The following FAM151B variants were observed in gnomAD, a reference collection of about 807,000 sequenced individuals.
FAM151B encodes family with sequence similarity 151 member B, also known as protein FAM151B.
Under a neutral mutation model 31.2 loss-of-function variants are expected in FAM151B, and 24 were observed. The ratio of observed to expected loss-of-function variants is 0.77; its 90% CI spans 0.56 to 1.08. The LOEUF is 1.08. FAM151B is among the 50% of genes least tolerant of loss of function. The pLI, the probability that FAM151B is intolerant of heterozygous loss-of-function variation, is 0.00. For synonymous variants in FAM151B, 105 were observed against 111.4 expected, an observed-to-expected ratio of 0.94 and a Z score of 0.36; for missense variants, 293 against 328.6, an observed-to-expected ratio of 0.89 and a Z score of 0.84.
At chr5:80,491,249 T>A (rs547093783) in intron 1 of FAM151B, among the ~76,000 whole-genome samples, 3 of 152,022 alleles carry the variant, frequency 2.0e-5, no homozygotes, top group African/African-American at 7.2e-5. Flanking sequence ...AGGGTCTCGC[T>A]CTGTCACCCA....
chr5:80,536,181 G>GT (rs1384574106), intron 5 of FAM151B, among the ~76,000 whole-genome samples: 4 of 151,266 alleles, frequency 2.6e-5, no homozygotes, highest in Admixed American at 6.6e-5. Flanking sequence ...GTTTTGTTTT[G>GT]TTTTTTTGAG....
intron 5 of FAM151B, among the ~76,000 whole-genome samples, chr5:80,541,181 A>T (rs540983928): frequency 1.7e-4 from 26 of 152,358 alleles, no homozygotes; most frequent in African/African-American, 5.5e-4. Flanking sequence ...ATCTCTTGGC[A>T]TTCTTGTATC....
intron 5 of FAM151B, among the ~76,000 whole-genome samples, chr5:80,524,098 A>T (rs1744844233): frequency 6.6e-6 from 1 of 152,078 alleles, no homozygotes; most frequent in South Asian, 2.1e-4. Flanking sequence ...TAAAATTTTC[A>T]GTTCTCATGG....
chr5:80,519,559 C>G (rs1164467401), intron 3 of FAM151B, 134 bp from the exon 4 acceptor site: 2 of 730,794 alleles, frequency 2.7e-6, no homozygotes, highest in Non-Finnish European at 4.4e-6. Context: ...GCTATGCGAT[C>G]TTTGATTTTA....
Position 80,519,845 on chromosome 5 carries a change from T to C in FAM151B, c.470T>C (p.Phe157Ser). The change falls in exon 4 of 6, where the codon TTC (phenylalanine) becomes TCC (serine). Residue 157 changes from phenylalanine to serine, a missense_variant. Coordinates refer to ENST00000282226, the MANE Select transcript of FAM151B (RefSeq NM_205548.3). ...CCATTTTTAGACACCGTGATATCCT[T>C]CTTTCCAGACGTGACGTTTTCCCTG... is the stretch of plus-strand genomic sequence containing the variant. ...AKPFLDTVIS[F>S]FPDVTFSLGW... 1 of 1,614,154 alleles carries C rather than the reference T, an allele frequency of 6.2e-7. No individual in the cohort carries two copies. Among genetic ancestry groups the C allele is most frequent in the East Asian group, 2.2e-5 (1 of 44,870 alleles).
At chr5:80,531,244 G>C (rs529477648) in intron 5 of FAM151B, among the ~76,000 whole-genome samples, 29 of 152,102 alleles carry the variant, frequency 1.9e-4, no homozygotes, top group Non-Finnish European at 3.1e-4. Context: ...ATTCAAAATG[G>C]ATTAAAGACT....
intron 3 of FAM151B, among the ~76,000 whole-genome samples, chr5:80,518,075 GAAA>G (rs796173147): frequency 4.1e-5 from 3 of 72,818 alleles, no homozygotes; most frequent in East Asian, 3.0e-4. Context: ...CCATCTCAAA[GAAA>G]AAAAAAAAAA....
At chr5:80,535,138 A>T (rs1745433194) in intron 5 of FAM151B, among the ~76,000 whole-genome samples, 1 of 152,196 alleles carries the variant, frequency 6.6e-6, no homozygotes, top group South Asian at 2.1e-4. Context: ...ATGTTTGTGG[A>T]TTGGAAGAAT....
intron 5 of FAM151B, among the ~76,000 whole-genome samples, chr5:80,538,479 TTTCTTTCC>T (rs1318391157): frequency 1.1e-4 from 10 of 92,532 alleles, no homozygotes; most frequent in Admixed American, 5.0e-4. Flanking sequence ...TCTTTCTTTC[TTTCTTTCC>T]TTCCTTCCTT....
At chr5:80,502,117 C>T (rs908898459) in intron 2 of FAM151B, among the ~76,000 whole-genome samples, 200 bp downstream of exon 2, 3 of 151,762 alleles carry the variant, frequency 2.0e-5, no homozygotes, top group African/African-American at 7.3e-5. Flanking sequence ...CTCTCTGTTG[C>T]CCAGGCTGGA....
At chr5:80,538,289 T>A (rs1477198307) in intron 5 of FAM151B, among the ~76,000 whole-genome samples, 1 of 151,888 alleles carries the variant, frequency 6.6e-6, no homozygotes, top group Non-Finnish European at 1.5e-5. Context: ...GGATGATCTC[T>A]ATCTCTTGAC....
intron 5 of FAM151B, among the ~76,000 whole-genome samples, chr5:80,529,651 A>G (rs991011125): frequency 4.6e-5 from 7 of 152,196 alleles, no homozygotes; most frequent in African/African-American, 1.7e-4. Flanking sequence ...AAATGGATAA[A>G]TTCCTGGACA....
Position 80,529,439 on chromosome 5 carries a change from G to A in FAM151B, c.671+7301G>A, listed in dbSNP as rs200983594. ...ACAAAAAACCCTTCAAAAAAGCAAT[G>A]AATCCAGGAGCTGGTTTTTTGAAAA... On this transcript the variant is annotated intron_variant, in intron 5 of 5. Coordinates refer to ENST00000282226, the MANE Select transcript of FAM151B (RefSeq NM_205548.3). Among the ~76,000 whole-genome samples, 33 of 152,264 alleles carry A rather than the reference G, an allele frequency of 2.2e-4. 1 individual carries two copies. In the East Asian group the frequency reaches 6.0e-3, roughly 28 times the overall value.
rs1745917362 is a variant in FAM151B, at chr5:80,541,881, C to T, written c.*49C>T. 6.5e-7 allele frequency: 1 copy of T among 1,544,176 alleles called. No individual in the cohort carries two copies. Among genetic ancestry groups the T allele is most frequent in the Non-Finnish European group, 8.8e-7 (1 of 1,136,748 alleles). On this transcript the variant is annotated 3_prime_UTR_variant, in exon 6 of 6. Coordinates refer to ENST00000282226, the MANE Select transcript of FAM151B (RefSeq NM_205548.3). Reference sequence around the variant, plus strand: ...TGTGTTTTGGTTTCATAATCCTTCTCTCCATTGGTCTGAATTAATTACCAT... The same window carrying T: ...TGTGTTTTGGTTTCATAATCCTTCTTTCCATTGGTCTGAATTAATTACCAT...
chr5:80,522,348 T>C, intron 5 of FAM151B: 1 of 428,674 alleles, frequency 2.3e-6, no homozygotes, highest in Non-Finnish European at 4.0e-6. Context: ...ATTTTACCCC[T>C]ATTCCTCACA....
intron 1 of FAM151B, among the ~76,000 whole-genome samples, chr5:80,496,401 A>C (rs1743538140): frequency 6.6e-6 from 1 of 152,224 alleles, no homozygotes; most frequent in Non-Finnish European, 1.5e-5. Flanking sequence ...TTTTTTAGAC[A>C]TAATGCTATT....
intron 1 of FAM151B, among the ~76,000 whole-genome samples, chr5:80,495,895 G>A (rs565340364): frequency 6.8e-6 from 1 of 147,864 alleles, no homozygotes; most frequent in East Asian, 2.0e-4. Context: ...AATGGAGCCT[G>A]AAGATGTGAC....
At chr5:80,535,618 C>T (rs1297016069) in intron 5 of FAM151B, among the ~76,000 whole-genome samples, 1 of 152,132 alleles carries the variant, frequency 6.6e-6, no homozygotes, top group Non-Finnish European at 1.5e-5. Context: ...AAATCTAAGA[C>T]CTCAAACTAT....
chr5:80,515,751 G>A (rs1159334383), intron 3 of FAM151B, among the ~76,000 whole-genome samples: 3 of 152,142 alleles, frequency 2.0e-5, no homozygotes, highest in African/African-American at 7.2e-5. Context: ...AGCATTGCAT[G>A]TATTTTTCAT....
Sources: allele counts gnomAD v4.1 joint callset (sites outside exome capture counted in the v4.1 genomes callset), GRCh38; gene constraint gnomAD v4.1.1; transcripts MANE v1.5; gene names NCBI Gene and HGNC (gene_info 2026-07-23, HGNC 2026-07-21).